Variants in PTER observed in about 807,000 individuals in gnomAD.
PTER encodes N-acetyltaurine hydrolase.
PTER carries 38 observed loss-of-function variants against 29.6 expected under a neutral mutation model. That is an observed-to-expected ratio of 1.28 (90% CI 0.99 to 1.68). The LOEUF is 1.68. PTER is among the 40% of genes most tolerant of loss of function. The pLI is 0.00. For synonymous variants in PTER, 172 were observed against 154.5 expected (o/e 1.11, Z -0.84); for missense variants, 482 against 427.8 (o/e 1.13, Z -1.12).
At chr10:16,484,839 C>G in intron 2 of PTER, 23 bp downstream of exon 2, 1 of 1,563,884 alleles carries the variant, frequency 6.4e-7, no homozygotes, top group South Asian at 1.2e-5. Flanking sequence ...AGTTCTTTGA[C>G]AGTATTTGTT....
chr10:16,440,739 G>T (rs1833820667), intron 1 of PTER, among the ~76,000 whole-genome samples: 1 of 152,232 alleles, frequency 6.6e-6, no homozygotes, highest in Non-Finnish European at 1.5e-5. Context: ...CTCAGCCTGG[G>T]TCATAGAGGA....
chr10:16,443,053 A>G (rs966133504), intron 1 of PTER, among the ~76,000 whole-genome samples: 5 of 152,134 alleles, frequency 3.3e-5, no homozygotes, highest in Non-Finnish European at 5.9e-5. Flanking sequence ...AGATTAGATG[A>G]CCTTGATTAC....
intron 3 of PTER, chr10:16,486,845 G>A: frequency 2.0e-6 from 1 of 489,344 alleles, no homozygotes; most frequent in Middle Eastern, 5.5e-4. Flanking sequence ...TTTCACATAA[G>A]ATATTTCGCA....
At chr10:16,441,866 T>A (rs1224288840) in intron 1 of PTER, among the ~76,000 whole-genome samples, 1 of 152,126 alleles carries the variant, frequency 6.6e-6, no homozygotes, top group African/African-American at 2.4e-5. Context: ...TGTCCTCCAC[T>A]GAATTCACTT....
intron 1 of PTER, among the ~76,000 whole-genome samples, chr10:16,478,396 C>T (rs566125958): frequency 2.7e-5 from 4 of 149,522 alleles, no homozygotes; most frequent in African/African-American, 7.4e-5. Context: ...TGCAATGGCA[C>T]GATTTTGGCT....
chr10:16,444,428 C>T (rs1164317671), intron 1 of PTER, among the ~76,000 whole-genome samples: 1 of 151,510 alleles, frequency 6.6e-6, no homozygotes, highest in Admixed American at 6.6e-5. Flanking sequence ...TACCTCAATA[C>T]CACGCCTGGT....
intron 1 of PTER, among the ~76,000 whole-genome samples, chr10:16,469,880 GT>G (rs11452216): frequency 1.4e-5 from 2 of 145,664 alleles, no homozygotes; most frequent in African/African-American, 2.6e-5. Context: ...GTGCCTGGCT[GT>G]TTTTTTTGTT....
chr10:16,460,908 G>T (rs910213004), intron 1 of PTER, among the ~76,000 whole-genome samples: 1 of 152,064 alleles, frequency 6.6e-6, no homozygotes, highest in Non-Finnish European at 1.5e-5. Flanking sequence ...ATAGAGACGG[G>T]GTTTCACCAT....
intron 1 of PTER, among the ~76,000 whole-genome samples, chr10:16,472,456 C>T (rs1320479944): frequency 2.0e-5 from 3 of 152,070 alleles, no homozygotes; most frequent in Admixed American, 6.6e-5. Context: ...TCATGAGATC[C>T]GCTGGTTTTA....
intron 3 of PTER, among the ~76,000 whole-genome samples, chr10:16,490,682 A>C (rs1835867154): frequency 1.3e-5 from 2 of 150,654 alleles, no homozygotes; most frequent in Non-Finnish European, 2.9e-5. Context: ...TCTGCTGGAA[A>C]GGTTTTCTGT....
At chr10:16,510,077 C>A (rs1292934181) in intron 4 of PTER, among the ~76,000 whole-genome samples, 1 of 152,118 alleles carries the variant, frequency 6.6e-6, no homozygotes, top group Non-Finnish European at 1.5e-5. Flanking sequence ...CCGTCTAGAT[C>A]CACTTTAGAA....
At chr10:16,486,770 A>G in intron 3 of PTER, 153 bp downstream of exon 3, 1 of 906,150 alleles carries the variant, frequency 1.1e-6, no homozygotes, top group Non-Finnish European at 1.6e-6. Context: ...TTCACAACTG[A>G]CATGAATAAA....
chr10:16,461,016 C>T (rs764849962), intron 1 of PTER, among the ~76,000 whole-genome samples: 5 of 152,032 alleles, frequency 3.3e-5, no homozygotes, highest in Admixed American at 6.6e-5. Flanking sequence ...CGCACCTGGC[C>T]AAAAATTACA....
At chr10:16,462,918 G>T (rs1267568453) in intron 1 of PTER, among the ~76,000 whole-genome samples, 1 of 151,758 alleles carries the variant, frequency 6.6e-6, no homozygotes, top group African/African-American at 2.4e-5. Context: ...TGGCTGCCGG[G>T]CGTGGTGAGT....
intron 1 of PTER, among the ~76,000 whole-genome samples, chr10:16,447,392 C>T (rs1834055130): frequency 6.6e-6 from 1 of 152,060 alleles, no homozygotes; most frequent in Admixed American, 6.6e-5. Context: ...TGAACCACTG[C>T]ACTAAGCCTG....
intron 3 of PTER, among the ~76,000 whole-genome samples, chr10:16,497,595 G>C (rs1564406770): frequency 6.6e-6 from 1 of 152,182 alleles, no homozygotes; most frequent in Non-Finnish European, 1.5e-5. Flanking sequence ...AGAGTTATTT[G>C]AAACTGTAAA....
downstream of PTER, among the ~76,000 whole-genome samples, chr10:16,516,884 T>C (rs1308928036): frequency 6.6e-6 from 1 of 152,198 alleles, no homozygotes; most frequent in East Asian, 1.9e-4. Context: ...AATGTAATTC[T>C]GTAAGATTTT....
At chr10:16,491,239 A>G (rs1237864043) in intron 3 of PTER, among the ~76,000 whole-genome samples, 1 of 152,234 alleles carries the variant, frequency 6.6e-6, no homozygotes, top group African/African-American at 2.4e-5. Context: ...ACATGAAAGT[A>G]TGAGCATTTC....
At chr10:16,447,304 G>A (rs994026032) in intron 1 of PTER, among the ~76,000 whole-genome samples, 1 of 150,912 alleles carries the variant, frequency 6.6e-6, no homozygotes, top group Non-Finnish European at 1.5e-5. Flanking sequence ...TCACTGTGTT[G>A]CTCAGGTCAA....
Sources: gnomAD v4.1 joint callset for allele counts (sites outside exome capture counted in the v4.1 genomes callset) on GRCh38, gnomAD v4.1.1 for gene constraint, MANE v1.5 for transcripts, NCBI Gene and HGNC (gene_info 2026-07-23, HGNC 2026-07-21) for gene names.